The following OTULINL variants were observed in gnomAD, a reference collection of about 807,000 sequenced individuals.
The protein encoded by OTULINL is inactive ubiquitin thioesterase OTULINL.
In OTULINL, 42 loss-of-function variants were observed where a neutral mutation model predicts 43.9. The ratio of observed to expected loss-of-function variants is 0.96; its 90% confidence interval spans 0.75 to 1.24. The LOEUF (loss-of-function observed/expected upper bound fraction) is 1.24, where lower values mean the gene tolerates loss of function less well. Ranked by LOEUF, OTULINL falls within the 50% of genes most tolerant of loss-of-function variation. The probability of loss-of-function intolerance (pLI) is 0.00; values close to 1 mark genes in which losing one functional copy is unlikely to be tolerated. For synonymous variants in OTULINL, 172 were observed against 153.6 expected, an observed-to-expected ratio of 1.12 and a Z score of -0.88; for missense variants, 411 against 426.4, an observed-to-expected ratio of 0.96 and a Z score of 0.32.
At chr5:14,593,756 A>G (rs955606926) in intron 1 of OTULINL, among the ~76,000 whole-genome samples, 4 of 152,174 alleles carry the variant, frequency 2.6e-5, no homozygotes, top group African/African-American at 9.7e-5. Context: ...TACTAAAGAA[A>G]ACACACACAC....
Position 14,584,675 on chromosome 5 carries a change from G to A in OTULINL, c.64+2717G>A, listed in dbSNP as rs554094824. On this transcript the variant is annotated intron_variant, in intron 1 of 7. Transcript: ENST00000274217. The stretch of plus-strand genomic sequence containing the variant: ...TATTATTAATATTACCTTCTACTAT[G>A]AAGTAGCTGTTATTTTTTAACCTTA... 4.3e-4 allele frequency among the ~76,000 whole-genome samples: 66 copies of A among 152,276 alleles called. 1 individual carries two copies. Among genetic ancestry groups the A allele is most frequent in the African/African-American group, 1.6e-3 (65 of 41,540 alleles).
intron 1 of OTULINL, among the ~76,000 whole-genome samples, chr5:14,588,987 CT>C (rs975551807): frequency 1.3e-5 from 2 of 152,124 alleles, no homozygotes; most frequent in Non-Finnish European, 2.9e-5. Context: ...AGAACGGACC[CT>C]GGGGGAAGCT....
intron 6 of OTULINL, among the ~76,000 whole-genome samples, chr5:14,607,681 C>T (rs927132739): frequency 7.2e-5 from 11 of 152,152 alleles, no homozygotes; most frequent in Admixed American, 4.6e-4. Context: ...CCTATAGGGT[C>T]GGGGGCTTCT....
chr5:14,584,500 A>G (rs152620), intron 1 of OTULINL, among the ~76,000 whole-genome samples: 3 of 151,970 alleles, frequency 2.0e-5, no homozygotes, highest in Non-Finnish European at 4.4e-5. Flanking sequence ...TGGAGGAAAG[A>G]GTTTAATGCT....
intron 1 of OTULINL, among the ~76,000 whole-genome samples, chr5:14,594,323 T>G (rs1759252442): frequency 6.6e-6 from 1 of 152,216 alleles, no homozygotes; most frequent in Non-Finnish European, 1.5e-5. Flanking sequence ...AGTGCTTAAT[T>G]TATTTGTTTA....
At chr5:14,594,435 T>C (rs1169788496) in intron 1 of OTULINL, among the ~76,000 whole-genome samples, 2 of 152,232 alleles carry the variant, frequency 1.3e-5, no homozygotes, top group African/African-American at 4.8e-5. Flanking sequence ...GCAGTCACAC[T>C]GAGGCCTAAG....
chr5:14,594,770 G>A (rs1408131920), intron 1 of OTULINL, among the ~76,000 whole-genome samples: 1 of 152,016 alleles, frequency 6.6e-6, no homozygotes, highest in East Asian at 1.9e-4. Flanking sequence ...CTTTTCAAAG[G>A]GAGCAGGGTT....
rs932679505 is a variant in OTULINL at position 14,581,805 on chromosome 5, G to A, written c.-90G>A. The A allele has an allele frequency of 2.7e-6, 3 of 1,100,774 alleles. No homozygotes were observed. Among genetic ancestry groups the A allele is most frequent in the African/African-American group, 1.7e-5 (1 of 60,404 alleles). The allele number at this position is 1,100,774 out of a possible 1,614,324, so 68.2% of individuals were successfully genotyped here. A position where few individuals can be genotyped will look rare whatever the true frequency, so the allele number is the denominator to read the frequency against. ...CCTCCCCAGCCCGCCTCAGGGAAGC[G>A]AGCCCGGGCGCCGGCGGGCGGCCGT... On this transcript the variant is annotated 5_prime_UTR_variant, in exon 1 of 8. Coordinates refer to ENST00000274217, the MANE Select transcript of OTULINL (RefSeq NM_019018.3).
chr5:14,609,205 G>A (rs1452287595), intron 7 of OTULINL, among the ~76,000 whole-genome samples, 188 bp downstream of exon 7: 2 of 152,158 alleles, frequency 1.3e-5, no homozygotes, highest in Non-Finnish European at 2.9e-5. Context: ...TGGCTGCTTT[G>A]TGTCTCCTCA....
At chr5:14,608,150 A>C (rs570770974) in intron 6 of OTULINL, among the ~76,000 whole-genome samples, 24 of 152,338 alleles carry the variant, frequency 1.6e-4, no homozygotes, top group Non-Finnish European at 3.1e-4. Flanking sequence ...CTTTGTATTT[A>C]ACTAGTAGGT....
Position 14,602,231 on chromosome 5 carries a change from G to C in OTULINL, c.397G>C (p.Val133Leu), listed in dbSNP as rs367770838. The C allele has an allele frequency of 1.9e-6, 3 of 1,613,528 alleles. No individual in the cohort carries two copies. Among genetic ancestry groups the C allele is most frequent in the Non-Finnish European group, 2.5e-6 (3 of 1,179,782 alleles). The change falls in exon 5 of 8, where the codon GTA becomes CTA. Residue 133 changes from valine (V) to leucine (L), a missense_variant. Physicochemically the swap from Val to Leu is conservative, Grantham distance 32. Transcript: ENST00000274217. ...GCATCACATTAAATGTGTTCGACAA[G>C]TAAGGAGAGATAACTATGATGCTCT... ...WRHHIKCVRQ[V>L]RRDNYDALRS...
rs1759663270 is a variant in OTULINL, at chr5:14,615,775, T to C, written c.*5461T>C. 6.6e-6 allele frequency among the ~76,000 whole-genome samples: 1 copy of C among 152,240 alleles called. No homozygotes were observed. The highest frequency in any genetic ancestry group is 2.4e-5 in the African/African-American group (1 of 41,464). ...GTAAAATTAATTTTTCCATTTGGTG[T>C]GTATTTCACAGGGTAACAATGAAGT... On this transcript the variant is annotated 3_prime_UTR_variant, in exon 8 of 8. Transcript: ENST00000274217.
At chr5:14,602,819 T>C (rs551875941) in intron 5 of OTULINL, among the ~76,000 whole-genome samples, 46 of 152,324 alleles carry the variant, frequency 3.0e-4, no homozygotes, top group African/African-American at 1.0e-3. Flanking sequence ...ATAGTCATTA[T>C]CTGTGTTTGT....
In OTULINL at chr5:14,615,863, T is replaced by G. The variant is rs575066004; in HGVS notation, c.*5549T>G. ...TGCAGTTGAGACCATTCCTCCTGTA[T>G]GTCTTTACAAGCAAATTGAAACGAC... On this transcript the variant is annotated 3_prime_UTR_variant, in exon 8 of 8. Coordinates refer to ENST00000274217, the MANE Select transcript of OTULINL (RefSeq NM_019018.3). Among the ~76,000 whole-genome samples the G allele has an allele frequency of 1.3e-5, 2 of 152,232 alleles. No individual in the cohort carries two copies. The highest frequency in any genetic ancestry group is 4.1e-4 in the South Asian group (2 of 4,830).
intron 1 of OTULINL, among the ~76,000 whole-genome samples, chr5:14,596,566 G>C (rs769862090): frequency 6.6e-5 from 10 of 152,074 alleles, no homozygotes; most frequent in Admixed American, 2.6e-4. Flanking sequence ...TCCTTTTAAA[G>C]AGTCTTAATT....
In OTULINL at chr5:14,601,327, C is replaced by T. The variant is rs746182732; in HGVS notation, c.257-24C>T. ...GGGAGAAGAAAGGGAGAATTAACAGCTTTTTATTTTTTATTTGGTCCAGGG... is the reference window on the plus strand; with the variant it reads ...GGGAGAAGAAAGGGAGAATTAACAGTTTTTTATTTTTTATTTGGTCCAGGG... On this transcript the variant is annotated intron_variant, in intron 3 of 7. Coordinates refer to ENST00000274217, the MANE Select transcript of OTULINL (RefSeq NM_019018.3). The T allele has an allele frequency of 3.1e-6, 5 of 1,612,112 alleles. 1 individual carries two copies. The South Asian group carries it at 5.5e-5, about 18-fold the overall frequency.
At chr5:14,597,338 C>T (rs1049502974) in intron 1 of OTULINL, among the ~76,000 whole-genome samples, 2 of 152,108 alleles carry the variant, frequency 1.3e-5, no homozygotes, top group Admixed American at 1.3e-4. Flanking sequence ...TCACTGTGCA[C>T]CAGGCTCTAC....
intron 5 of OTULINL, among the ~76,000 whole-genome samples, chr5:14,606,283 A>G (rs1759474586): frequency 1.3e-5 from 2 of 152,220 alleles, no homozygotes; most frequent in African/African-American, 4.8e-5. Context: ...TCATGAGACC[A>G]GCACAGGAAA....
chr5:14,585,780 A>G (rs995732582), intron 1 of OTULINL, among the ~76,000 whole-genome samples: 2 of 152,236 alleles, frequency 1.3e-5, no homozygotes, highest in African/African-American at 4.8e-5. Context: ...GGCCAGGGTA[A>G]GCCCTGGCAT....
Sources: allele counts gnomAD v4.1 joint callset (sites outside exome capture counted in the v4.1 genomes callset), GRCh38; gene constraint gnomAD v4.1.1; transcripts MANE v1.5; gene names NCBI Gene and HGNC (gene_info 2026-07-23, HGNC 2026-07-21).